PDIK1L: variants seen among roughly 807,000 people sequenced by gnomAD.
PDIK1L encodes serine/threonine-protein kinase PDIK1L.
In PDIK1L, 9 loss-of-function variants were observed where a neutral mutation model predicts 27.1. The ratio of observed to expected loss-of-function variants is 0.33; its 90% CI spans 0.20 to 0.58. PDIK1L has a LOEUF of 0.58. Ranked by LOEUF, PDIK1L falls within the 20% of genes least tolerant of loss-of-function variation. The probability of loss-of-function intolerance (pLI) is 0.86; values close to 1 mark genes in which losing one functional copy is unlikely to be tolerated. For synonymous variants in PDIK1L, 130 were observed against 141.7 expected, an observed-to-expected ratio of 0.92 and a Z score of 0.59; for missense variants, 216 against 413.2, an observed-to-expected ratio of 0.52 and a Z score of 4.14.
intron 2 of PDIK1L, among the ~76,000 whole-genome samples, chr1:26,118,764 C>T (rs1342763566): frequency 1.3e-5 from 2 of 152,128 alleles, no homozygotes; most frequent in Non-Finnish European, 1.5e-5. Context: ...TTAGCAAGTG[C>T]CCTCTCTAAA....
chr1:26,114,372 G>T lies in PDIK1L; in HGVS notation c.64G>T (p.Val22Leu). ...REVGRGSYGV[V>L]YEAVIRKTSA... ...GGTAGGCCGAGGTAGTTACGGTGTT[G>T]TGTATGAAGCAGTCATCAGAAAGAC... The change falls in exon 2 of 3, where the codon GTG (valine) becomes TTG (leucine). Residue 22 changes from valine to leucine, a missense_variant. By Grantham distance (32) the Val-to-Leu change is conservative. Transcript: ENST00000374269. This position sits in a 1 kb window ranked among gnomAD's most constrained non-coding sequence, Gnocchi z 4.8. 6.2e-7 allele frequency: 1 copy of T among 1,614,126 alleles called. No homozygotes were observed. Among genetic ancestry groups the T allele is most frequent in the Non-Finnish European group, 8.5e-7 (1 of 1,180,024 alleles).
In PDIK1L at chr1:26,121,945, T is replaced by C. The variant is rs1449631997; in HGVS notation, c.394T>C (p.Leu132=). ...CDGGDMNEYL[L]SRKPNRKTNT... The stretch of plus-strand genomic sequence containing the variant: ...CGGAGGAGATATGAATGAGTATCTG[T>C]TGTCCAGGAAACCCAATCGTAAAAC... Residue 132 remains leucine, a synonymous_variant, in exon 3 of 3, where the codon TTG becomes CTG. Coordinates refer to ENST00000374269, the MANE Select transcript of PDIK1L (RefSeq NM_152835.5). The C allele has an allele frequency of 1.2e-6, 2 of 1,614,030 alleles. No individual in the cohort carries two copies. The highest frequency in any genetic ancestry group is 2.7e-5 in the African/African-American group (2 of 74,922).
Position 26,122,283 on chromosome 1 carries a change from G to A in PDIK1L, c.732G>A (p.Gly244=), listed in dbSNP as rs746369234. 1 of 1,614,204 alleles carries A rather than the reference G, an allele frequency of 6.2e-7. No individual in the cohort carries two copies. The highest frequency in any genetic ancestry group is 2.2e-5 in the East Asian group (1 of 44,888). ...CAAAAGCTGACATCTTTGCTCTGGG[G>A]ATTATCATCTGGGCAATGCTGGAAA... ...YTAKADIFAL[G]IIIWAMLERI... is the part of the protein sequence containing the mutation. The change falls in exon 3 of 3, where the codon GGG becomes GGA. Residue 244 remains glycine, a synonymous_variant. Transcript: ENST00000374269. This position sits in a 1 kb window ranked among gnomAD's most constrained non-coding sequence, Gnocchi z 5.4.
In PDIK1L at chr1:26,122,834, T is replaced by C. The variant is rs1227689420; in HGVS notation, c.*257T>C. 2.6e-5 allele frequency: 8 copies of C among 307,054 alleles called. No homozygotes were observed. In the East Asian group the frequency reaches 4.0e-4, roughly 15 times the overall value. The allele number at this position is 307,054 out of a possible 1,614,324, so 19.0% of individuals were successfully genotyped here. A position where few individuals can be genotyped will look rare whatever the true frequency, so the allele number is the denominator to read the frequency against. On this transcript the variant is annotated 3_prime_UTR_variant, in exon 3 of 3. Transcript: ENST00000374269. The surrounding 1 kb of genome is among the most constrained non-coding windows in gnomAD (Gnocchi z 5.4). ...ATAGAAGTTTGGCAGGAAAATTCTTTAAGAGCTAACAAGAGAAGAGAGTCC... is the reference window on the plus strand; with the variant it reads ...ATAGAAGTTTGGCAGGAAAATTCTTCAAGAGCTAACAAGAGAAGAGAGTCC...
intron 1 of PDIK1L, among the ~76,000 whole-genome samples, chr1:26,113,316 C>T (rs2087826997): frequency 1.3e-5 from 2 of 150,844 alleles, no homozygotes; most frequent in Non-Finnish European, 3.0e-5. Flanking sequence ...AGTGAAACCC[C>T]GTCTCTACTA....
Position 26,114,534 on chromosome 1 carries a change from C to G in PDIK1L, c.226C>G (p.Gln76Glu). ...NVIHLEECIL[Q>E]KDGMVQKMSH... Reference sequence around the variant, plus strand: ...GATTCACTTGGAGGAATGCATCCTACAAAAGGATGGGATGGTGCAAAAGAT... The same window carrying G: ...GATTCACTTGGAGGAATGCATCCTAGAAAAGGATGGGATGGTGCAAAAGAT... Residue 76 changes from glutamine to glutamate, a missense_variant, in exon 2 of 3, where the codon CAA becomes GAA. Transcript: ENST00000374269. The surrounding 1 kb of genome is among the most constrained non-coding windows in gnomAD (Gnocchi z 4.8). 2 of 1,614,076 alleles carry G rather than the reference C, an allele frequency of 1.2e-6. No homozygotes were observed. Among genetic ancestry groups the G allele is most frequent in the Non-Finnish European group, 1.7e-6 (2 of 1,179,976 alleles).
At chr1:26,117,743 C>T (rs1021564401) in intron 2 of PDIK1L, among the ~76,000 whole-genome samples, 1 of 150,392 alleles carries the variant, frequency 6.6e-6, no homozygotes, top group Non-Finnish European at 1.5e-5. Context: ...ACTCCATCTC[C>T]AAAACAAAAA....
chr1:26,122,834 T>A lies in PDIK1L; in HGVS notation c.*257T>A. 1 of 307,176 alleles carries A rather than the reference T, an allele frequency of 3.3e-6. No individual in the cohort carries two copies. The highest frequency in any genetic ancestry group is 5.9e-6 in the Non-Finnish European group (1 of 169,150). The allele number at this position is 307,176 out of a possible 1,614,324, so 19.0% of individuals were successfully genotyped here. ...ATAGAAGTTTGGCAGGAAAATTCTT[T>A]AAGAGCTAACAAGAGAAGAGAGTCC... is the stretch of plus-strand genomic sequence containing the variant. On this transcript the variant is annotated 3_prime_UTR_variant, in exon 3 of 3. Transcript: ENST00000374269. The surrounding 1 kb of genome is among the most constrained non-coding windows in gnomAD (Gnocchi z 5.4).
rs2088033469 is a variant in PDIK1L at position 26,123,805 on chromosome 1, T to C, written c.*1228T>C. ...TCAACTACTTTTAAAGTAGAAAAGC[T>C]ATCCATTTTATACAATCACTGATAC... On this transcript the variant is annotated 3_prime_UTR_variant, in exon 3 of 3. Transcript: ENST00000374269. The C allele has an allele frequency of 6.6e-6, 1 of 152,654 alleles. No homozygotes were observed. The highest frequency in any genetic ancestry group is 1.5e-5 in the Non-Finnish European group (1 of 68,028). The allele number at this position is 152,654 out of a possible 1,614,324, so 9.5% of individuals were successfully genotyped here. A position where few individuals can be genotyped will look rare whatever the true frequency, so the allele number is the denominator to read the frequency against.
chr1:26,121,938 G>A lies in PDIK1L; in HGVS notation c.387G>A (p.Glu129=). 1 of 1,614,040 alleles carries A rather than the reference G, an allele frequency of 6.2e-7. No homozygotes were observed. Among genetic ancestry groups the A allele is most frequent in the Non-Finnish European group, 8.5e-7 (1 of 1,180,008 alleles). The change falls in exon 3 of 3, where the codon GAG becomes GAA. Residue 129 remains glutamate (E), a synonymous_variant. Coordinates refer to ENST00000374269, the MANE Select transcript of PDIK1L (RefSeq NM_152835.5). The part of the protein sequence containing the change: ...MDFCDGGDMN[E]YLLSRKPNRK... ...TTTGTGACGGAGGAGATATGAATGA[G>A]TATCTGTTGTCCAGGAAACCCAATC... is the stretch of plus-strand genomic sequence containing the variant.
In PDIK1L at chr1:26,115,729, G is replaced by A. The variant is rs889013764; in HGVS notation, c.285+1136G>A. Among the ~76,000 whole-genome samples, 9 of 152,002 alleles carry A rather than the reference G, an allele frequency of 5.9e-5. 1 individual carries two copies. The East Asian group carries it at 1.3e-3, about 23-fold the overall frequency. ...AGGCAGGAGAATGGCGTGAACCGGGGAGGCGGAGCTTGCCGTGAGCCGAGA... is the reference window on the plus strand; with the variant it reads ...AGGCAGGAGAATGGCGTGAACCGGGAAGGCGGAGCTTGCCGTGAGCCGAGA... On this transcript the variant is annotated intron_variant, in intron 2 of 2. Transcript: ENST00000374269.
chr1:26,117,337 C>T (rs1240891325), intron 2 of PDIK1L, among the ~76,000 whole-genome samples: 1 of 152,052 alleles, frequency 6.6e-6, no homozygotes, highest in African/African-American at 2.4e-5. Flanking sequence ...CAGCCAATGC[C>T]CTGAAGTTTT....
intron 1 of PDIK1L, among the ~76,000 whole-genome samples, chr1:26,113,587 CAAAATT>C (rs147306894): frequency 0.05 from 7,472 of 148,656 alleles, 262 homozygotes; most frequent in Middle Eastern, 0.12. Context: ...ACATAAGAGA[CAAAATT>C]AAAATATGAA....
chr1:26,121,584 T>C (rs2087989118), intron 2 of PDIK1L, among the ~76,000 whole-genome samples: 1 of 152,240 alleles, frequency 6.6e-6, no homozygotes, highest in South Asian at 2.1e-4. Flanking sequence ...TTGGACGCTT[T>C]TCAAAATAAA....
intron 1 of PDIK1L, among the ~76,000 whole-genome samples, chr1:26,112,924 C>G (rs1423387150): frequency 6.6e-6 from 1 of 152,248 alleles, no homozygotes; most frequent in Non-Finnish European, 1.5e-5. Context: ...TTTAGACTTT[C>G]TCCATTCAAC....
intron 2 of PDIK1L, among the ~76,000 whole-genome samples, chr1:26,120,453 C>G (rs1301397711): frequency 6.6e-6 from 1 of 152,322 alleles, no homozygotes; most frequent in East Asian, 1.9e-4. Flanking sequence ...AAAGAGATAT[C>G]TGCAGATCAT....
In PDIK1L at chr1:26,114,426, C is replaced by T. The variant is rs1321567899; in HGVS notation, c.118C>T (p.Arg40Ter). Residue 40 changes from arginine (R) to a stop codon, truncating the protein, a stop_gained, in exon 2 of 3, where the codon CGA becomes TGA. Transcript: ENST00000374269. LOFTEE classifies it high-confidence loss of function. The surrounding 1 kb of genome is among the most constrained non-coding windows in gnomAD (Gnocchi z 4.8). ...TSARVAVKKIRCHAPENVELA... is the reference protein window; with the variant it reads ...TSARVAVKKI ...TGCACGGGTGGCAGTGAAGAAAATT[C>T]GATGTCACGCACCTGAAAATGTTGA... 6.2e-7 allele frequency: 1 copy of T among 1,613,794 alleles called. No homozygotes were observed. Among genetic ancestry groups the T allele is most frequent in the Non-Finnish European group, 8.5e-7 (1 of 1,179,944 alleles).
intron 2 of PDIK1L, among the ~76,000 whole-genome samples, chr1:26,120,226 CG>C (rs2087956019): frequency 6.6e-6 from 1 of 152,022 alleles, no homozygotes; most frequent in African/African-American, 2.4e-5. Context: ...CTGTCAAGCC[CG>C]AAATATTTAC....
chr1:26,115,155 G>GTGC (rs1353074759), intron 2 of PDIK1L, among the ~76,000 whole-genome samples: 1 of 152,232 alleles, frequency 6.6e-6, no homozygotes, highest in African/African-American at 2.4e-5. Flanking sequence ...TCGATGCTCT[G>GTGC]TGCTGAGTGC....
Sources: allele counts gnomAD v4.1 joint callset (sites outside exome capture counted in the v4.1 genomes callset), GRCh38; gene constraint gnomAD v4.1.1; non-coding constraint Gnocchi (gnomAD v3.1); transcripts MANE v1.5; gene names NCBI Gene and HGNC (gene_info 2026-07-23, HGNC 2026-07-21).